Variants in IFT88 observed in about 807,000 individuals in gnomAD.
IFT88 encodes intraflagellar transport protein 88 homolog.
IFT88 carries 74 observed loss-of-function variants against 119.5 expected under a neutral mutation model. The ratio of observed to expected loss-of-function variants is 0.62; its 90% CI spans 0.51 to 0.75. The LOEUF is 0.75. IFT88 is among the 30% of genes least tolerant of loss of function. The pLI, the probability that IFT88 is intolerant of heterozygous loss-of-function variation, is 0.00. For missense variants in IFT88, 961 were observed against 977.7 expected (o/e 0.98, Z 0.23); for synonymous variants, 279 against 316.7 (o/e 0.88, Z 1.26).
At chr13:20,597,231 A>T (rs1427207253) in intron 9 of IFT88, 112 bp downstream of exon 9, 2 of 541,380 alleles carry the variant, frequency 3.7e-6, no homozygotes, top group Non-Finnish European at 6.6e-6. Flanking sequence ...AGGTGCTCAC[A>T]ATTAGATTAA....
Position 20,670,901 on chromosome 13 carries a change from T to C in IFT88, c.2176-72T>C, listed in dbSNP as rs536238614. On this transcript the variant is annotated intron_variant, in intron 23 of 25. Transcript: ENST00000351808. ...TAATGTAGTAATGTTAATTTTAAAATCCACCTTTATCTATATTCAACTTTG... is the reference window on the plus strand; with the variant it reads ...TAATGTAGTAATGTTAATTTTAAAACCCACCTTTATCTATATTCAACTTTG... 13 of 1,314,514 alleles carry C rather than the reference T, an allele frequency of 9.9e-6. No individual in the cohort carries two copies. In the African/African-American group the frequency reaches 1.6e-4, roughly 16 times the overall value. The allele number at this position is 1,314,514 out of a possible 1,614,324, so 81.4% of individuals were successfully genotyped here. A position where few individuals can be genotyped will look rare whatever the true frequency, so the allele number is the denominator to read the frequency against.
At chr13:20,602,788 CAGG>C (rs1389596597) in intron 12 of IFT88, among the ~76,000 whole-genome samples, 1 of 151,682 alleles carries the variant, frequency 6.6e-6, no homozygotes, top group Non-Finnish European at 1.5e-5. Flanking sequence ...GAGGCTGAGG[CAGG>C]AGAATTGCTT....
chr13:20,675,207 T>C (rs896850604), intron 24 of IFT88, among the ~76,000 whole-genome samples: 4 of 151,990 alleles, frequency 2.6e-5, no homozygotes, highest in Admixed American at 2.6e-4. Flanking sequence ...CCGACACAAG[T>C]CAGCCAATTA....
intron 23 of IFT88, among the ~76,000 whole-genome samples, chr13:20,666,385 GCCCTCTGTT>G (rs2054684546): frequency 6.6e-6 from 1 of 152,132 alleles, no homozygotes; most frequent in African/African-American, 2.4e-5. Context: ...GTAAGCACTT[GCCCTCTGTT>G]CATCTCATTG....
At chr13:20,620,063 T>C (rs2046239544) in intron 14 of IFT88, among the ~76,000 whole-genome samples, 1 of 152,188 alleles carries the variant, frequency 6.6e-6, no homozygotes. Context: ...TTGTGTCCTT[T>C]TAAGGCAACT....
intron 13 of IFT88, among the ~76,000 whole-genome samples, chr13:20,613,126 G>GAGT (rs2044894347): frequency 6.6e-6 from 1 of 152,122 alleles, no homozygotes; most frequent in South Asian, 2.1e-4. Context: ...GTACTTCAGA[G>GAGT]GACGCTATCC....
chr13:20,575,542 G>C (rs1029689929), intron 2 of IFT88, among the ~76,000 whole-genome samples: 2 of 152,140 alleles, frequency 1.3e-5, no homozygotes, highest in African/African-American at 4.8e-5. Context: ...AGGATCATGA[G>C]AGTGGATTTC....
At chr13:20,599,618 C>G in intron 11 of IFT88, 53 bp downstream of exon 11, 1 of 791,286 alleles carries the variant, frequency 1.3e-6, no homozygotes, top group Non-Finnish European at 2.1e-6. Context: ...TTTTCTGAAA[C>G]AAGATAACTC....
rs140960286 is a variant in IFT88, at chr13:20,597,769, A to T, written c.594+650A>T. 3.8e-3 allele frequency among the ~76,000 whole-genome samples: 548 copies of T among 143,902 alleles called. 2 individuals are homozygous for T. Among genetic ancestry groups the T allele is most frequent in the African/African-American group, 7.7e-3 (298 of 38,794 alleles). 94.4% of individuals were successfully genotyped at this position (143,902 alleles called of 152,430 possible). On this transcript the variant is annotated intron_variant, in intron 9 of 25. Transcript: ENST00000351808. Reference sequence around the variant, plus strand: ...TCAAAAAAAAAATATATATATATATATTTTTTTTTTGATAACTTGGTAAGT... The same window carrying T: ...TCAAAAAAAAAATATATATATATATTTTTTTTTTTTGATAACTTGGTAAGT...
At chr13:20,582,061 T>G (rs1174296755) in intron 2 of IFT88, among the ~76,000 whole-genome samples, 1 of 151,938 alleles carries the variant, frequency 6.6e-6, no homozygotes, top group African/African-American at 2.4e-5. Flanking sequence ...TGTATTTTTG[T>G]GGGAAGTAGA....
At chr13:20,668,656 C>G (rs1317921307) in intron 23 of IFT88, among the ~76,000 whole-genome samples, 1 of 152,090 alleles carries the variant, frequency 6.6e-6, no homozygotes, top group Non-Finnish European at 1.5e-5. Flanking sequence ...AAAGACAAAC[C>G]GGTAGAGTCG....
chr13:20,597,840 A>G (rs2042005847), intron 9 of IFT88, among the ~76,000 whole-genome samples: 1 of 151,708 alleles, frequency 6.6e-6, no homozygotes, highest in Admixed American at 6.6e-5. Context: ...GAAGAGCACT[A>G]ATTTTAATGC....
rs575632042 is a variant in IFT88, at chr13:20,629,824, G to A, written c.1300-1192G>A. On this transcript the variant is annotated intron_variant, in intron 15 of 25. Coordinates refer to ENST00000351808, the MANE Select transcript of IFT88 (RefSeq NM_006531.5). ...AGGAGCAGGAGGCACCAAGAGTCAA[G>A]CATCTTCTAATCAGTAAATATATTT... 8.5e-5 allele frequency among the ~76,000 whole-genome samples: 13 copies of A among 152,270 alleles called. No homozygotes were observed. The East Asian group carries it at 2.3e-3, about 27-fold the overall frequency.
chr13:20,578,645 G>A (rs879394315), intron 2 of IFT88, among the ~76,000 whole-genome samples: 2 of 151,976 alleles, frequency 1.3e-5, no homozygotes, highest in Non-Finnish European at 2.9e-5. Flanking sequence ...TGCTTCCTGG[G>A]TTCAAGTGAT....
chr13:20,689,930 A>G (rs556432043), intron 24 of IFT88, among the ~76,000 whole-genome samples: 1 of 152,324 alleles, frequency 6.6e-6, no homozygotes, highest in Non-Finnish European at 1.5e-5. Context: ...GTGTGTAGAC[A>G]TATTCAGTAC....
chr13:20,602,264 G>A (rs1266042174), intron 12 of IFT88, among the ~76,000 whole-genome samples: 1 of 138,168 alleles, frequency 7.2e-6, no homozygotes, highest in Non-Finnish European at 1.5e-5. Context: ...GAGTGCAGTG[G>A]TGCAGTCTCA....
chr13:20,679,507 C>A (rs1474274769), intron 24 of IFT88, among the ~76,000 whole-genome samples: 1 of 151,270 alleles, frequency 6.6e-6, no homozygotes, highest in Non-Finnish European at 1.5e-5. Flanking sequence ...GATGGGAAAG[C>A]TTTACAGGTA....
At chr13:20,592,000 T>C (rs1487517696) in intron 6 of IFT88, among the ~76,000 whole-genome samples, 3 of 152,110 alleles carry the variant, frequency 2.0e-5, no homozygotes, top group Non-Finnish European at 2.9e-5. Context: ...AAAAAGCCAA[T>C]AGCAGGTTAT....
rs961323723 is a variant in IFT88 at position 20,630,966 on chromosome 13, G to T, written c.1300-50G>T. 3.4e-6 allele frequency: 4 copies of T among 1,162,418 alleles called. No homozygotes were observed. The African/African-American group carries it at 4.7e-5, about 14-fold the overall frequency. The allele number at this position is 1,162,418 out of a possible 1,614,324, so 72.0% of individuals were successfully genotyped here. Reference sequence around the variant, plus strand: ...TGATCTTTTCCCCGACCATAAGCTTGAGTACTGTCATATTACAGTGGTAGT... The same window carrying T: ...TGATCTTTTCCCCGACCATAAGCTTTAGTACTGTCATATTACAGTGGTAGT... On this transcript the variant is annotated intron_variant, in intron 15 of 25. Transcript: ENST00000351808.
Sources: gnomAD v4.1 joint callset for allele counts (sites outside exome capture counted in the v4.1 genomes callset) on GRCh38, gnomAD v4.1.1 for gene constraint, MANE v1.5 for transcripts, NCBI Gene and HGNC (gene_info 2026-07-23, HGNC 2026-07-21) for gene names.